PAFAH1B1: variants seen among roughly 807,000 people sequenced by gnomAD.
PAFAH1B1 encodes the protein platelet-activating factor acetylhydrolase IB subunit beta.
Under a neutral mutation model 57.5 loss-of-function variants are expected in PAFAH1B1, and 2 were observed. That is an observed-to-expected ratio of 0.03 (90% CI 0.01 to 0.11). The LOEUF (loss-of-function observed/expected upper bound fraction) is 0.11. PAFAH1B1 is among the 10% of genes least tolerant of loss of function. PAFAH1B1 has a pLI of 1.00. For missense variants in PAFAH1B1, 257 were observed against 512.0 expected (o/e 0.50, Z 4.81); for synonymous variants, 152 against 169.6 (o/e 0.90, Z 0.81).
intron 1 of PAFAH1B1, among the ~76,000 whole-genome samples, chr17:2,604,779 A>G (rs1199590664): frequency 3.3e-5 from 5 of 152,216 alleles, no homozygotes; most frequent in Non-Finnish European, 7.3e-5. Context: ...ACTGCACTCC[A>G]GACTGCTGAG....
rs929322278 is a variant in PAFAH1B1, at chr17:2,624,336, C to T, written c.-190-13763C>T. ...ACTTCCAAAGTCACTTCCTCATTTC[C>T]GGGTATCTTTTCAGCAATTCCGCGT... On this transcript the variant is annotated intron_variant, in intron 1 of 10. Transcript: ENST00000397195. 4.6e-5 allele frequency among the ~76,000 whole-genome samples: 7 copies of T among 152,134 alleles called. No homozygotes were observed. The South Asian group carries it at 6.2e-4, about 13-fold the overall frequency.
At chr17:2,649,942 G>A (rs2068825973) in intron 2 of PAFAH1B1, among the ~76,000 whole-genome samples, 1 of 152,178 alleles carries the variant, frequency 6.6e-6, no homozygotes, top group South Asian at 2.1e-4. Flanking sequence ...AAGCCTTAAT[G>A]TTGAACACAT....
chr17:2,650,872 G>A (rs572275151), intron 2 of PAFAH1B1, among the ~76,000 whole-genome samples: 23 of 152,006 alleles, frequency 1.5e-4, no homozygotes, highest in African/African-American at 5.1e-4. Context: ...TTTTCTTGTC[G>A]ATTCCTAAGA....
At chr17:2,626,861 TTA>T (rs963634312) in intron 1 of PAFAH1B1, among the ~76,000 whole-genome samples, 16 of 152,210 alleles carry the variant, frequency 1.1e-4, no homozygotes, top group African/African-American at 3.1e-4. Flanking sequence ...GTGCAATTTT[TTA>T]TATGTTTGTT....
chr17:2,678,017 G>T (rs1212002614), intron 9 of PAFAH1B1, among the ~76,000 whole-genome samples: 1 of 151,996 alleles, frequency 6.6e-6, no homozygotes, highest in Non-Finnish European at 1.5e-5. Context: ...AGCACTTTTG[G>T]AGGCTGAGGC....
At chr17:2,594,859 A>G (rs1449205123) in intron 1 of PAFAH1B1, among the ~76,000 whole-genome samples, 2 of 152,144 alleles carry the variant, frequency 1.3e-5, no homozygotes, top group Non-Finnish European at 2.9e-5. Flanking sequence ...AGCCTCCCAC[A>G]TGAGAAAATG....
At chr17:2,652,087 A>G (rs561153527) in intron 2 of PAFAH1B1, among the ~76,000 whole-genome samples, 22 of 152,292 alleles carry the variant, frequency 1.4e-4, no homozygotes, top group Admixed American at 8.5e-4. Flanking sequence ...TATCCTTTTC[A>G]GATTGGCTGC....
At chr17:2,597,117 A>T (rs2068091551) in intron 1 of PAFAH1B1, among the ~76,000 whole-genome samples, 1 of 152,168 alleles carries the variant, frequency 6.6e-6, no homozygotes, top group African/African-American at 2.4e-5. Context: ...GATTGTTGTT[A>T]ATCAGGAGCT....
At chr17:2,627,060 A>T (rs1252517488) in intron 1 of PAFAH1B1, among the ~76,000 whole-genome samples, 2 of 152,084 alleles carry the variant, frequency 1.3e-5, no homozygotes, top group African/African-American at 4.8e-5. Flanking sequence ...TACTCTGCTG[A>T]TTGTTCCTTT....
rs1049411583 is a variant in PAFAH1B1, at chr17:2,664,667, T to TCG, written c.33-704_33-703insGC. ...ATATATATCTATATCTATCTATCGC[T>TCG]CTCTCTCTCTCTCTCTCTCTCTCTC... is the stretch of plus-strand genomic sequence containing the variant. On this transcript the variant is annotated intron_variant, in intron 2 of 10. Transcript: ENST00000397195. Among the ~76,000 whole-genome samples the TCG allele has an allele frequency of 4.6e-4, 45 of 97,336 alleles. 1 individual carries two copies. Among genetic ancestry groups the TCG allele is most frequent in the African/African-American group, 1.1e-3 (31 of 27,496 alleles). 63.9% of individuals were successfully genotyped at this position (97,336 alleles called of 152,430 possible). A position where few individuals can be genotyped will look rare whatever the true frequency, so the allele number is the denominator to read the frequency against.
chr17:2,607,076 G>A (rs1567525056), intron 1 of PAFAH1B1, among the ~76,000 whole-genome samples: 1 of 151,966 alleles, frequency 6.6e-6, no homozygotes, highest in Non-Finnish European at 1.5e-5. Flanking sequence ...CACCCGCCTC[G>A]GCCTCCTGCG....
intron 2 of PAFAH1B1, among the ~76,000 whole-genome samples, chr17:2,655,707 CAG>C (rs1432149317): frequency 2.0e-5 from 3 of 151,616 alleles, no homozygotes; most frequent in Non-Finnish European, 4.4e-5. Flanking sequence ...CGTGTGACGA[CAG>C]GGTGTTCACA....
At chr17:2,663,858 C>G (rs2069055297) in intron 2 of PAFAH1B1, among the ~76,000 whole-genome samples, 1 of 152,014 alleles carries the variant, frequency 6.6e-6, no homozygotes, top group Non-Finnish European at 1.5e-5. Context: ...CCACACCTGG[C>G]TAATTTTTGT....
chr17:2,627,605 C>T (rs1035823853), intron 1 of PAFAH1B1, among the ~76,000 whole-genome samples: 1 of 152,092 alleles, frequency 6.6e-6, no homozygotes, highest in Admixed American at 6.6e-5. Flanking sequence ...ATTTTAGAAT[C>T]ATTTTTTGTA....
At chr17:2,603,349 G>A (rs1418041983) in intron 1 of PAFAH1B1, among the ~76,000 whole-genome samples, 4 of 152,058 alleles carry the variant, frequency 2.6e-5, no homozygotes, top group Non-Finnish European at 5.9e-5. Context: ...GGCCAGGCGC[G>A]GTGGCTCACG....
chr17:2,681,151 A>G (rs1371834086), intron 10 of PAFAH1B1: 1 of 152,854 alleles, frequency 6.5e-6, no homozygotes, highest in Non-Finnish European at 1.5e-5. Flanking sequence ...GAGCAGGTCA[A>G]AACTCCCTTG....
At chr17:2,624,201 A>G (rs2068460216) in intron 1 of PAFAH1B1, among the ~76,000 whole-genome samples, 2 of 152,112 alleles carry the variant, frequency 1.3e-5, no homozygotes, top group Admixed American at 1.3e-4. Flanking sequence ...TCATATCACC[A>G]TCAGCATTTT....
chr17:2,603,036 C>G (rs2068163186), intron 1 of PAFAH1B1, among the ~76,000 whole-genome samples: 1 of 152,238 alleles, frequency 6.6e-6, no homozygotes, highest in African/African-American at 2.4e-5. Context: ...TGCTCACACT[C>G]TAATATATAT....
intron 1 of PAFAH1B1, among the ~76,000 whole-genome samples, chr17:2,625,690 C>T (rs962520104): frequency 1.3e-5 from 2 of 152,124 alleles, no homozygotes; most frequent in African/African-American, 4.8e-5. Context: ...CTTTGGGTGG[C>T]CGAGGTGACA....
Sources: gnomAD v4.1 joint callset for allele counts (sites outside exome capture counted in the v4.1 genomes callset) on GRCh38, gnomAD v4.1.1 for gene constraint, MANE v1.5 for transcripts, NCBI Gene and HGNC (gene_info 2026-07-23, HGNC 2026-07-21) for gene names.